SCMH1: variants seen among roughly 807,000 people sequenced by gnomAD.
SCMH1 encodes the protein polycomb protein SCMH1.
In SCMH1, 37 loss-of-function variants were observed where a neutral mutation model predicts 70.8. The ratio of observed to expected loss-of-function variants is 0.52; its 90% CI spans 0.40 to 0.69. The LOEUF is 0.69. SCMH1 is among the 30% of genes least tolerant of loss of function. The pLI, the probability that SCMH1 is intolerant of heterozygous loss-of-function variation, is 0.00. For synonymous variants in SCMH1, 292 were observed against 307.4 expected, an observed-to-expected ratio of 0.95 and a Z score of 0.52; for missense variants, 607 against 827.3, an observed-to-expected ratio of 0.73 and a Z score of 3.27.
chr1:41,128,383 C>T (rs975616572), intron 6 of SCMH1, among the ~76,000 whole-genome samples: 1 of 152,062 alleles, frequency 6.6e-6, no homozygotes, highest in African/African-American at 2.4e-5. Flanking sequence ...TTTTATATTT[C>T]TGCAAATGTC....
intron 4 of SCMH1, among the ~76,000 whole-genome samples, chr1:41,155,459 AAAAC>A (rs138222770): frequency 0.15 from 23,450 of 151,400 alleles, 2,016 homozygotes; most frequent in East Asian, 0.27. Flanking sequence ...ACATGGAGCA[AAAAC>A]AAACAAACAA....
At chr1:41,175,057 G>A (rs1647024552) in intron 2 of SCMH1, among the ~76,000 whole-genome samples, 1 of 152,208 alleles carries the variant, frequency 6.6e-6, no homozygotes, top group Non-Finnish European at 1.5e-5. Context: ...TTAACTTTAT[G>A]TGTCAACTTA....
At chr1:41,161,505 G>C in intron 2 of SCMH1, 73 bp from the exon 3 acceptor site, 1 of 1,452,236 alleles carries the variant, frequency 6.9e-7, no homozygotes, top group Non-Finnish European at 9.1e-7. Flanking sequence ...TTGGCAGTAT[G>C]TATTAACAGT....
intron 8 of SCMH1, among the ~76,000 whole-genome samples, chr1:41,101,712 C>T (rs1021292088): frequency 2.0e-5 from 3 of 150,532 alleles, no homozygotes; most frequent in Non-Finnish European, 4.4e-5. Context: ...AGATAATATT[C>T]CATGAAAAAA....
chr1:41,043,447 G>C (rs1646482331), intron 12 of SCMH1: 1 of 147,710 alleles, frequency 6.8e-6, no homozygotes, highest in Non-Finnish European at 1.5e-5. Flanking sequence ...TTTTGAGACA[G>C]AGTCTCGCTC....
At chr1:41,043,917 A>G (rs994289698) in intron 12 of SCMH1, 7 of 152,198 alleles carry the variant, frequency 4.6e-5, no homozygotes, top group African/African-American at 9.7e-5. Flanking sequence ...ATGTATATTT[A>G]TATGTGTATA....
At chr1:41,167,656 T>C (rs1022406713) in intron 2 of SCMH1, among the ~76,000 whole-genome samples, 21 of 152,192 alleles carry the variant, frequency 1.4e-4, no homozygotes, top group Non-Finnish European at 2.9e-4. Context: ...TGTTGGCTTA[T>C]AACTGTTCAT....
chr1:41,153,829 G>A (rs919278585), intron 4 of SCMH1, among the ~76,000 whole-genome samples: 6 of 152,152 alleles, frequency 3.9e-5, no homozygotes, highest in Admixed American at 3.9e-4. Flanking sequence ...CTATTGTAAT[G>A]CCCATGATGA....
intron 10 of SCMH1, among the ~76,000 whole-genome samples, chr1:41,055,284 A>G (rs1558493161): frequency 6.6e-6 from 1 of 152,214 alleles, no homozygotes; most frequent in Non-Finnish European, 1.5e-5. Context: ...ATCCATGGAA[A>G]ACAACTCCCA....
intron 12 of SCMH1, chr1:41,044,026 G>T (rs927966298): frequency 2.0e-5 from 3 of 152,128 alleles, no homozygotes; most frequent in African/African-American, 7.2e-5. Flanking sequence ...TAACTTTTCT[G>T]TAGGTTTGAA....
chr1:41,065,936 T>C (rs557382486), intron 10 of SCMH1, among the ~76,000 whole-genome samples: 9 of 152,274 alleles, frequency 5.9e-5, no homozygotes, highest in Admixed American at 3.3e-4. Context: ...CAGCAGAACC[T>C]TGCACCCTGT....
intron 8 of SCMH1, among the ~76,000 whole-genome samples, chr1:41,101,912 A>G (rs1246231555): frequency 2.0e-5 from 3 of 152,198 alleles, no homozygotes; most frequent in Non-Finnish European, 4.4e-5. Flanking sequence ...TCTTTCCACT[A>G]TGTTACTCTG....
At chr1:41,135,228 T>TC (rs1446926043) in intron 6 of SCMH1, among the ~76,000 whole-genome samples, 4 of 152,136 alleles carry the variant, frequency 2.6e-5, no homozygotes, top group Admixed American at 6.6e-5. Context: ...TCCTACTTTT[T>TC]CTGTGATCTA....
At chr1:41,110,047 C>T (rs1447547652) in intron 8 of SCMH1, among the ~76,000 whole-genome samples, 4 of 152,202 alleles carry the variant, frequency 2.6e-5, no homozygotes. Flanking sequence ...TCGCTTCTTG[C>T]TGCTTCCACA....
chr1:41,074,485 T>C (rs1007349176), intron 9 of SCMH1, among the ~76,000 whole-genome samples: 2 of 152,226 alleles, frequency 1.3e-5, no homozygotes, highest in African/African-American at 4.8e-5. Flanking sequence ...GTATTCAATT[T>C]TTTTTAAAGA....
At chr1:41,084,726 C>T (rs1325252429) in intron 8 of SCMH1, among the ~76,000 whole-genome samples, 5 of 151,982 alleles carry the variant, frequency 3.3e-5, no homozygotes, top group Admixed American at 2.6e-4. Context: ...TGGAACCAAC[C>T]CAAATGTCCA....
chr1:41,180,180 A>C (rs932325407), intron 2 of SCMH1, among the ~76,000 whole-genome samples: 4 of 152,028 alleles, frequency 2.6e-5, no homozygotes, highest in Non-Finnish European at 2.9e-5. Flanking sequence ...CATGCTAAAA[A>C]CTCTCAATAA....
chr1:41,233,079 A>T (rs1661629049), intron 1 of SCMH1, among the ~76,000 whole-genome samples: 1 of 152,192 alleles, frequency 6.6e-6, no homozygotes, highest in African/African-American at 2.4e-5. Context: ...TAATAGTTAC[A>T]GAACTTGAGA....
chr1:41,056,236 G>C (rs1373374821), intron 10 of SCMH1, among the ~76,000 whole-genome samples: 1 of 152,188 alleles, frequency 6.6e-6, no homozygotes, highest in Non-Finnish European at 1.5e-5. Context: ...TTATCCTTTG[G>C]CGAGAACCAA....
Sources: allele counts gnomAD v4.1 joint callset (sites outside exome capture counted in the v4.1 genomes callset), GRCh38; gene constraint gnomAD v4.1.1; transcripts MANE v1.5; gene names NCBI Gene and HGNC (gene_info 2026-07-23, HGNC 2026-07-21).